The following SMPX variants were observed in gnomAD, a reference collection of about 807,000 sequenced individuals.
SMPX encodes small muscle protein X-linked.
A neutral mutation model predicts 6.3 loss-of-function variants in SMPX; 2 were observed. The ratio of observed to expected loss-of-function variants is 0.32; its 90% CI spans 0.13 to 0.99. The LOEUF (loss-of-function observed/expected upper bound fraction) is 0.99, where lower values mean the gene tolerates loss of function less well. SMPX is among the 50% of genes least tolerant of loss of function. The pLI is 0.49. For missense variants in SMPX, 60 were observed against 66.8 expected (o/e 0.90, Z 0.36); for synonymous variants, 32 against 24.7 (o/e 1.30, Z -0.88).
chrX:21,756,680 A>T (rs1463522314), intron 1 of SMPX, among the ~76,000 whole-genome samples: 2 of 112,559 alleles, frequency 1.8e-5, no homozygotes, highest in Admixed American at 1.9e-4. Context: ...AGAGTGCGGA[A>T]CACACCTTCC....
intron 4 of SMPX, among the ~76,000 whole-genome samples, chrX:21,722,000 TA>T (rs201934385): frequency 2.4e-3 from 254 of 106,366 alleles, no homozygotes; most frequent in African/African-American, 7.4e-3. Context: ...CATCTCTGCT[TA>T]AAAAAAAAAT....
intron 3 of SMPX, among the ~76,000 whole-genome samples, chrX:21,738,231 T>C (rs753499486): frequency 8.9e-6 from 1 of 112,009 alleles, no homozygotes; most frequent in South Asian, 3.7e-4. Context: ...TTGAATGTTA[T>C]ATTTTTGTTG....
intron 1 of SMPX, among the ~76,000 whole-genome samples, chrX:21,755,032 G>C (rs1263155708): frequency 8.9e-6 from 1 of 112,406 alleles, no homozygotes; most frequent in Non-Finnish European, 1.9e-5. Context: ...TCGAGATGTA[G>C]AAGTGCTTCC....
chrX:21,737,338 A>AAC lies in SMPX; in HGVS notation c.*14+209_*14+210dup, dbSNP rs755632349. ...ATGATCAGAAAGAGAATGGCAGGCTAACATCTTCAATGGATCTATGACTGG... is the reference window on the plus strand; with the variant it reads ...ATGATCAGAAAGAGAATGGCAGGCTAACACATCTTCAATGGATCTATGACTGG... On this transcript the variant is annotated intron_variant, in intron 4 of 4. Coordinates refer to ENST00000379494, the MANE Select transcript of SMPX (RefSeq NM_014332.3). Among the ~76,000 whole-genome samples the AAC allele has an allele frequency of 8.9e-5, 10 of 111,756 alleles. No individual in the cohort carries two copies. In the Admixed American group the frequency reaches 9.5e-4, roughly 11 times the overall value.
chrX:21,738,926 G>A (rs1417310180), intron 3 of SMPX, among the ~76,000 whole-genome samples: 1 of 111,331 alleles, frequency 9.0e-6, no homozygotes, highest in Non-Finnish European at 1.9e-5. Flanking sequence ...GTTTTCCCCA[G>A]CAAGTATCTT....
At chrX:21,743,978 A>G in intron 2 of SMPX, 142 bp from the exon 3 acceptor site, 2 of 487,193 alleles carry the variant, frequency 4.1e-6, no homozygotes, top group Non-Finnish European at 7.1e-6. Flanking sequence ...TGCTGTAATG[A>G]CAGCATAAAA....
chrX:21,728,214 TTCTCTCTCTCTCTCTCTCTC>T (rs61469484), intron 4 of SMPX, among the ~76,000 whole-genome samples: 3,565 of 48,328 alleles, frequency 0.074, 222 homozygotes, highest in African/African-American at 0.14. Flanking sequence ...TTCCCCTCCT[TTCTCTCTCTCTCTCTCTCTC>T]TCTCTCTCTC....
chrX:21,710,191 G>T (rs1164915515), intron 4 of SMPX, among the ~76,000 whole-genome samples: 1 of 112,014 alleles, frequency 8.9e-6, no homozygotes, highest in Non-Finnish European at 1.9e-5. Context: ...TAAAGAAAAT[G>T]TGGTATATAT....
chrX:21,748,386 A>T (rs1167769630), intron 2 of SMPX, among the ~76,000 whole-genome samples: 1 of 111,810 alleles, frequency 8.9e-6, no homozygotes. Flanking sequence ...TTCCTGAATG[A>T]CTCAATTGTA....
At chrX:21,727,966 C>T (rs1382173443) in intron 4 of SMPX, among the ~76,000 whole-genome samples, 1 of 112,019 alleles carries the variant, frequency 8.9e-6, no homozygotes, top group Non-Finnish European at 1.9e-5. Flanking sequence ...GTGGGCTGCA[C>T]ACAGCGTGAG....
chrX:21,752,553 T>C (rs759263437), intron 2 of SMPX, among the ~76,000 whole-genome samples: 2 of 111,288 alleles, frequency 1.8e-5, no homozygotes, highest in South Asian at 7.8e-4. Context: ...TCACTCACTC[T>C]GTTGTCCAGG....
intron 4 of SMPX, among the ~76,000 whole-genome samples, chrX:21,719,267 C>G (rs1157610346): frequency 9.0e-6 from 1 of 111,728 alleles, no homozygotes; most frequent in African/African-American, 3.3e-5. Flanking sequence ...CGCCTGTAAT[C>G]CCAGCACTTT....
At chrX:21,728,005 C>T (rs1263603481) in intron 4 of SMPX, among the ~76,000 whole-genome samples, 6 of 111,171 alleles carry the variant, frequency 5.4e-5, no homozygotes, top group Non-Finnish European at 9.4e-5. Context: ...CTTCACGGGT[C>T]GGAGACTGCT....
intron 4 of SMPX, among the ~76,000 whole-genome samples, chrX:21,730,344 G>A (rs2092801917): frequency 8.9e-6 from 1 of 112,200 alleles, no homozygotes; most frequent in Admixed American, 9.4e-5. Flanking sequence ...TCTGAAGGCT[G>A]CAAAGCAACA....
intron 3 of SMPX, among the ~76,000 whole-genome samples, chrX:21,740,021 A>G (rs1218835493): frequency 1.8e-5 from 2 of 112,062 alleles, no homozygotes; most frequent in African/African-American, 6.5e-5. Flanking sequence ...GTGTTTTTTT[A>G]TTTATCAACA....
intron 4 of SMPX, among the ~76,000 whole-genome samples, chrX:21,731,610 G>A (rs2092804568): frequency 1.0e-5 from 1 of 96,866 alleles, no homozygotes; most frequent in Admixed American, 1.1e-4. Context: ...ATGTGTATAT[G>A]TGTATATGTA....
At chrX:21,750,716 C>A (rs1043648929) in intron 2 of SMPX, among the ~76,000 whole-genome samples, 1 of 111,734 alleles carries the variant, frequency 8.9e-6, no homozygotes, top group Non-Finnish European at 1.9e-5. Flanking sequence ...CAAAAGCCAT[C>A]TCTTCTTCAG....
intron 3 of SMPX, 30 bp downstream of exon 3, chrX:21,743,720 G>A: frequency 8.9e-7 from 1 of 1,127,330 alleles, no homozygotes; most frequent in Non-Finnish European, 1.2e-6. Context: ...GAAAAACATT[G>A]CTGTGTTCTG....
chrX:21,731,482 T>TGTGTGTATGTGTACACACACACATA (rs1569306507), intron 4 of SMPX, among the ~76,000 whole-genome samples: 1 of 56,358 alleles, frequency 1.8e-5, no homozygotes, highest in East Asian at 7.1e-4. Flanking sequence ...ACATACACAT[T>TGTGTGTATGTGTACACACACACATA]ATGTGTGTAT....
Sources: allele counts gnomAD v4.1 joint callset (sites outside exome capture counted in the v4.1 genomes callset), GRCh38; gene constraint gnomAD v4.1.1; transcripts MANE v1.5; gene names NCBI Gene and HGNC (gene_info 2026-07-23, HGNC 2026-07-21).